POU6F2: variants seen among roughly 807,000 people sequenced by gnomAD.
POU6F2 encodes POU class 6 homeobox 2.
In POU6F2, 31 loss-of-function variants were observed where a neutral mutation model predicts 71.3. The observed-to-expected ratio is 0.43, with a 90% confidence interval of 0.33 to 0.59. The LOEUF is 0.59. POU6F2 is among the 20% of genes least tolerant of loss of function. The probability of loss-of-function intolerance (pLI) is 0.04; values close to 1 mark genes in which losing one functional copy is unlikely to be tolerated. For missense variants in POU6F2, 783 were observed against 856.8 expected (o/e 0.91, Z 1.07); for synonymous variants, 347 against 355.7 (o/e 0.98, Z 0.27).
At chr7:39,399,869 AAAGAAAG>A (rs1189098786) in intron 5 of POU6F2, among the ~76,000 whole-genome samples, 1 of 45,436 alleles carries the variant, frequency 2.2e-5, no homozygotes, top group Non-Finnish European at 4.4e-5. Context: ...ACAAAAAAAA[AAAGAAAG>A]AAAGAAAGAA....
At chr7:39,366,598 G>A (rs920049144) in intron 5 of POU6F2, among the ~76,000 whole-genome samples, 2 of 152,164 alleles carry the variant, frequency 1.3e-5, no homozygotes, top group African/African-American at 4.8e-5. Context: ...TCCTACCCAG[G>A]CCCAGAGACA....
rs116776166 is a variant in POU6F2, at chr7:39,050,133, T to A, written c.106-35727T>A. ...TTGTTTGGACTAAATTTTTGAAGTT[T>A]TTTTCATCTATAGTGTGTGGACACT... On this transcript the variant is annotated intron_variant, in intron 1 of 9. Transcript: ENST00000518318. 8.7e-3 allele frequency among the ~76,000 whole-genome samples: 1,331 copies of A among 152,160 alleles called. 14 individuals are homozygous for A. Among genetic ancestry groups the A allele is most frequent in the African/African-American group, 0.031 (1,282 of 41,546 alleles).
intron 4 of POU6F2, among the ~76,000 whole-genome samples, chr7:39,318,298 A>G (rs1785313504): frequency 6.6e-6 from 1 of 152,118 alleles, no homozygotes; most frequent in African/African-American, 2.4e-5. Flanking sequence ...AAGCTTGTTT[A>G]AAGGCTGCCA....
At chr7:39,277,408 C>G (rs1381366111) in intron 4 of POU6F2, among the ~76,000 whole-genome samples, 1 of 152,038 alleles carries the variant, frequency 6.6e-6, no homozygotes, top group Non-Finnish European at 1.5e-5. Context: ...CCCTCCCTCT[C>G]TACTTTCTTT....
At chr7:39,025,501 G>A (rs1224041504) in intron 1 of POU6F2, among the ~76,000 whole-genome samples, 1 of 152,054 alleles carries the variant, frequency 6.6e-6, no homozygotes, top group African/African-American at 2.4e-5. Context: ...AATGGGGAAA[G>A]GATTCCCTAT....
intron 1 of POU6F2, among the ~76,000 whole-genome samples, chr7:39,074,798 G>A (rs17171524): frequency 0.018 from 2,796 of 152,160 alleles, 75 homozygotes; most frequent in African/African-American, 0.064. Flanking sequence ...ACACTTTGTC[G>A]GAAGGGTCGC....
At chr7:39,004,778 C>CAAT (rs1789011140) in intron 1 of POU6F2, among the ~76,000 whole-genome samples, 1 of 152,080 alleles carries the variant, frequency 6.6e-6, no homozygotes, top group East Asian at 1.9e-4. Flanking sequence ...TCAGGGCTGC[C>CAAT]AATTATTGGT....
chr7:39,009,073 G>A (rs1488681176), intron 1 of POU6F2, among the ~76,000 whole-genome samples: 1 of 152,112 alleles, frequency 6.6e-6, no homozygotes, highest in Non-Finnish European at 1.5e-5. Flanking sequence ...GTCATTGGTA[G>A]CTTGATGGGG....
intron 4 of POU6F2, among the ~76,000 whole-genome samples, chr7:39,318,050 TTC>T (rs1337461517): frequency 6.6e-6 from 1 of 152,190 alleles, no homozygotes; most frequent in Admixed American, 6.5e-5. Context: ...AAGGGTTTTT[TTC>T]TCTCTCTTCC....
intron 5 of POU6F2, among the ~76,000 whole-genome samples, chr7:39,405,283 C>T (rs1787399408): frequency 6.6e-6 from 1 of 151,552 alleles, no homozygotes; most frequent in African/African-American, 2.4e-5. Context: ...AATCTCTAGG[C>T]AAATTTCCAA....
chr7:39,039,056 A>T (rs1043027727), intron 1 of POU6F2, among the ~76,000 whole-genome samples: 2 of 152,068 alleles, frequency 1.3e-5, no homozygotes, highest in Admixed American at 1.3e-4. Context: ...TTGAATTCAC[A>T]TAAGTTTTGT....
chr7:39,182,494 A>G (rs987570591), intron 2 of POU6F2, among the ~76,000 whole-genome samples: 2 of 152,150 alleles, frequency 1.3e-5, no homozygotes, highest in African/African-American at 4.8e-5. Context: ...TAATATTTTA[A>G]GTACTTAGTA....
intron 1 of POU6F2, among the ~76,000 whole-genome samples, chr7:39,067,919 A>G (rs1374798471): frequency 1.3e-5 from 2 of 152,328 alleles, no homozygotes; most frequent in East Asian, 3.9e-4. Context: ...ATAATACAAA[A>G]GAGAGGCTTT....
chr7:39,435,099 T>C (rs1307649830), intron 7 of POU6F2, among the ~76,000 whole-genome samples: 1 of 152,216 alleles, frequency 6.6e-6, no homozygotes, highest in African/African-American at 2.4e-5. Context: ...AATATACATG[T>C]GCATATGTCT....
chr7:39,067,667 A>G (rs1790786449), intron 1 of POU6F2, among the ~76,000 whole-genome samples: 1 of 152,160 alleles, frequency 6.6e-6, no homozygotes, highest in African/African-American at 2.4e-5. Context: ...GGCAGTGTGC[A>G]ACACAATAAA....
chr7:39,345,336 C>A (rs1411690559), intron 5 of POU6F2, among the ~76,000 whole-genome samples: 1 of 152,174 alleles, frequency 6.6e-6, no homozygotes, highest in Non-Finnish European at 1.5e-5. Flanking sequence ...ATTTAGTTAG[C>A]AAAAATCCGC....
At position 39,330,989 on chromosome 7, in the gene POU6F2, TTTTC is replaced by T. The variant is rs1156944842; in HGVS notation, c.599-8649_599-8646del. Among the ~76,000 whole-genome samples the T allele has an allele frequency of 6.6e-5, 10 of 152,340 alleles. No homozygotes were observed. The South Asian group carries it at 2.1e-3, about 32-fold the overall frequency. On this transcript the variant is annotated intron_variant, in intron 4 of 9. Transcript: ENST00000518318. ...CTGTTCTACTCTCTGCTTCTATGGCTTTTCTTTTTTAGATGCCACATATGAGTGA... is the reference window on the plus strand; with the variant it reads ...CTGTTCTACTCTCTGCTTCTATGGCTTTTTTTAGATGCCACATATGAGTGA...
chr7:39,319,723 A>G (rs765206209), intron 4 of POU6F2, among the ~76,000 whole-genome samples: 4 of 152,172 alleles, frequency 2.6e-5, no homozygotes, highest in African/African-American at 4.8e-5. Flanking sequence ...ACAAGAGGCC[A>G]ACACAGGTCT....
At chr7:39,256,491 G>A (rs761969081) in intron 4 of POU6F2, among the ~76,000 whole-genome samples, 1 of 152,158 alleles carries the variant, frequency 6.6e-6, no homozygotes, top group African/African-American at 2.4e-5. Flanking sequence ...GAAGAAAAAT[G>A]CTCCCTCACC....
Sources: allele counts gnomAD v4.1 joint callset (sites outside exome capture counted in the v4.1 genomes callset), GRCh38; gene constraint gnomAD v4.1.1; transcripts MANE v1.5; gene names NCBI Gene and HGNC (gene_info 2026-07-23, HGNC 2026-07-21).